The following TRPC7 variants were observed in gnomAD, a reference collection of about 807,000 sequenced individuals.
TRPC7 encodes short transient receptor potential channel 7.
In TRPC7, 42 loss-of-function variants were observed where a neutral mutation model predicts 90.1. The observed-to-expected ratio is 0.47, with a 90% confidence interval of 0.36 to 0.60. TRPC7 has a LOEUF of 0.60. Ranked by LOEUF, TRPC7 falls within the 20% of genes least tolerant of loss-of-function variation. TRPC7 has a pLI of 0.00. For synonymous variants in TRPC7, 451 were observed against 436.3 expected, an observed-to-expected ratio of 1.03 and a Z score of -0.42; for missense variants, 955 against 1,112.3, an observed-to-expected ratio of 0.86 and a Z score of 2.01.
chr5:136,254,378 G>A (rs575316187), intron 5 of TRPC7, among the ~76,000 whole-genome samples: 3 of 152,224 alleles, frequency 2.0e-5, no homozygotes, highest in South Asian at 2.1e-4. Flanking sequence ...GGACTACTGC[G>A]GCTGGTGACT....
intron 2 of TRPC7, among the ~76,000 whole-genome samples, chr5:136,331,156 C>G (rs149108374): frequency 1.6e-3 from 250 of 152,190 alleles, no homozygotes; most frequent in Non-Finnish European, 2.8e-3. Flanking sequence ...AGCACATTTT[C>G]TGGGGTGTCT....
intron 5 of TRPC7, among the ~76,000 whole-genome samples, chr5:136,263,447 C>T (rs1580876565): frequency 6.6e-6 from 1 of 152,090 alleles, no homozygotes; most frequent in East Asian, 1.9e-4. Flanking sequence ...TTTCAAGATG[C>T]AGGAAAAGGT....
intron 2 of TRPC7, among the ~76,000 whole-genome samples, chr5:136,345,969 T>C (rs1412258698): frequency 6.6e-6 from 1 of 152,200 alleles, no homozygotes; most frequent in Non-Finnish European, 1.5e-5. Context: ...CCTTTCCCCA[T>C]TTCTTGTTTT....
intron 7 of TRPC7, 35 bp from the exon 8 acceptor site, chr5:136,231,584 G>A: frequency 6.5e-7 from 1 of 1,532,730 alleles, no homozygotes; most frequent in Non-Finnish European, 8.9e-7. Context: ...TACGCAGTTT[G>A]CATCAGCTTG....
At chr5:136,350,630 A>G (rs959638864) in intron 2 of TRPC7, among the ~76,000 whole-genome samples, 3 of 152,372 alleles carry the variant, frequency 2.0e-5, no homozygotes, top group African/African-American at 7.2e-5. Flanking sequence ...TAACATAAGC[A>G]GAAGTCACTT....
At chr5:136,299,088 G>C (rs1758281835) in intron 3 of TRPC7, among the ~76,000 whole-genome samples, 1 of 152,018 alleles carries the variant, frequency 6.6e-6, no homozygotes, top group Admixed American at 6.6e-5. Flanking sequence ...GGTCACCTGA[G>C]GTTGGGAGTT....
intron 3 of TRPC7, among the ~76,000 whole-genome samples, chr5:136,297,876 A>T (rs1447502474): frequency 1.3e-5 from 2 of 152,232 alleles, no homozygotes; most frequent in East Asian, 3.8e-4. Context: ...GAGTTTCCTC[A>T]ACAGCATTTA....
intron 4 of TRPC7, among the ~76,000 whole-genome samples, chr5:136,270,179 C>T (rs191007453): frequency 4.6e-5 from 7 of 152,152 alleles, no homozygotes; most frequent in African/African-American, 9.7e-5. Flanking sequence ...TGTGTGTGCG[C>T]GCACACGTGG....
At chr5:136,232,398 C>G (rs1755847332) in intron 7 of TRPC7, among the ~76,000 whole-genome samples, 1 of 152,194 alleles carries the variant, frequency 6.6e-6, no homozygotes, top group African/African-American at 2.4e-5. Flanking sequence ...GTGGCGGGCT[C>G]TCATATGACC....
chr5:136,336,142 C>T (rs1211056249), intron 2 of TRPC7, among the ~76,000 whole-genome samples: 1 of 152,130 alleles, frequency 6.6e-6, no homozygotes, highest in Non-Finnish European at 1.5e-5. Context: ...TCAAGGACCA[C>T]TTTAAAATGT....
chr5:136,271,859 G>T lies in TRPC7; in HGVS notation c.1128+2814C>A, dbSNP rs144308877. 3.8e-4 allele frequency among the ~76,000 whole-genome samples: 58 copies of T among 152,210 alleles called. 1 individual carries two copies. In the East Asian group the frequency reaches 0.011, roughly 29 times the overall value. ...CACCTTGTAATTTCCTTATTTAACT[G>T]TCTTTCTTAGGGACCCTCAGAAACA... On this transcript the variant is annotated intron_variant, in intron 4 of 11. Coordinates refer to ENST00000513104, the MANE Select transcript of TRPC7 (RefSeq NM_020389.3).
intron 6 of TRPC7, among the ~76,000 whole-genome samples, chr5:136,249,261 G>A (rs977371912): frequency 1.3e-5 from 2 of 152,120 alleles, no homozygotes; most frequent in African/African-American, 4.8e-5. Context: ...ACTAGACTCT[G>A]TTAAATAATT....
chr5:136,234,033 C>A (rs1310110496), intron 7 of TRPC7, among the ~76,000 whole-genome samples: 3 of 152,172 alleles, frequency 2.0e-5, no homozygotes, highest in African/African-American at 7.2e-5. Context: ...CTTTACCTGA[C>A]CCCCGCAGCT....
At chr5:136,330,728 C>T (rs559294935) in intron 2 of TRPC7, among the ~76,000 whole-genome samples, 1 of 152,332 alleles carries the variant, frequency 6.6e-6, no homozygotes, top group African/African-American at 2.4e-5. Flanking sequence ...GAGTCCACCC[C>T]ACGCTAAGTC....
intron 3 of TRPC7, among the ~76,000 whole-genome samples, chr5:136,303,262 T>C (rs1259277019): frequency 1.3e-5 from 2 of 152,206 alleles, no homozygotes; most frequent in African/African-American, 2.4e-5. Context: ...TGAGACACTT[T>C]ACAGCCCTAG....
At position 136,315,556 on chromosome 5, in the gene TRPC7, A is replaced by G. The variant is rs758853496; in HGVS notation, c.963+41T>C. On this transcript the variant is annotated intron_variant, in intron 3 of 11. Coordinates refer to ENST00000513104, the MANE Select transcript of TRPC7 (RefSeq NM_020389.3). ...AAGCAAGGCCAGCAGCCCCGAGAAG[A>G]GAGGTGAGATGGGAAGACCAGGAGA... 27 of 1,602,378 alleles carry G rather than the reference A, an allele frequency of 1.7e-5. No homozygotes were observed. In the Admixed American group the frequency reaches 2.2e-4, roughly 13 times the overall value.
intron 2 of TRPC7, among the ~76,000 whole-genome samples, chr5:136,346,359 T>G (rs1157247157): frequency 2.6e-5 from 4 of 152,244 alleles, no homozygotes; most frequent in Admixed American, 2.6e-4. Context: ...TTTACTTTTA[T>G]TATCCCCAAA....
At chr5:136,226,546 C>T (rs1755637036) in intron 8 of TRPC7, 1 of 402,300 alleles carries the variant, frequency 2.5e-6, no homozygotes, top group Non-Finnish European at 4.4e-6. Context: ...TCTCCATTTG[C>T]AGCTAACCAA....
intron 5 of TRPC7, among the ~76,000 whole-genome samples, chr5:136,260,784 C>T (rs1247962465): frequency 6.6e-6 from 1 of 152,200 alleles, no homozygotes; most frequent in African/African-American, 2.4e-5. Context: ...GGGGCAGCAG[C>T]AAGGAGACCT....
Sources: allele counts gnomAD v4.1 joint callset (sites outside exome capture counted in the v4.1 genomes callset), GRCh38; gene constraint gnomAD v4.1.1; transcripts MANE v1.5; gene names NCBI Gene and HGNC (gene_info 2026-07-23, HGNC 2026-07-21).